The following NPAS3 variants were observed in gnomAD, a reference collection of about 807,000 sequenced individuals.
NPAS3 encodes the protein neuronal PAS domain protein 3.
A neutral mutation model predicts 73.1 loss-of-function variants in NPAS3; 14 were observed. That is an observed-to-expected ratio of 0.19 (90% CI 0.13 to 0.30). The LOEUF (loss-of-function observed/expected upper bound fraction) is 0.30. Ranked by LOEUF, NPAS3 falls within the 10% of genes least tolerant of loss-of-function variation. NPAS3 has a pLI of 1.00. For synonymous variants in NPAS3, 620 were observed against 541.5 expected, an observed-to-expected ratio of 1.14 and a Z score of -2.01; for missense variants, 1,096 against 1,250.0, an observed-to-expected ratio of 0.88 and a Z score of 1.86.
At chr14:33,083,304 G>A (rs1433204675) in intron 2 of NPAS3, among the ~76,000 whole-genome samples, 2 of 146,746 alleles carry the variant, frequency 1.4e-5, no homozygotes, top group Non-Finnish European at 3.0e-5. Flanking sequence ...ATAATAAAAT[G>A]TGGCCATTAT....
At chr14:32,965,362 G>A (rs2037107659) in intron 1 of NPAS3, among the ~76,000 whole-genome samples, 1 of 152,190 alleles carries the variant, frequency 6.6e-6, no homozygotes, top group Non-Finnish European at 1.5e-5. Flanking sequence ...CATTCGTAGT[G>A]ATCAAGTGGG....
chr14:32,995,623 G>A (rs991612503), intron 1 of NPAS3, among the ~76,000 whole-genome samples: 1 of 152,206 alleles, frequency 6.6e-6, no homozygotes, highest in African/African-American at 2.4e-5. Flanking sequence ...TCTTGTGATA[G>A]CAAATGAGTC....
At chr14:33,338,612 A>C (rs1021236688) in intron 3 of NPAS3, among the ~76,000 whole-genome samples, 2 of 152,166 alleles carry the variant, frequency 1.3e-5, no homozygotes, top group African/African-American at 4.8e-5. Flanking sequence ...GACTGCTCTG[A>C]ACCTTTTTTC....
intron 1 of NPAS3, among the ~76,000 whole-genome samples, chr14:33,019,185 C>G (rs1595241853): frequency 6.6e-6 from 1 of 152,204 alleles, no homozygotes; most frequent in East Asian, 1.9e-4. Context: ...AGGTGTCAGG[C>G]CAGCCCAAGC....
chr14:33,316,064 A>G (rs983875985), intron 3 of NPAS3, among the ~76,000 whole-genome samples: 1 of 152,098 alleles, frequency 6.6e-6, no homozygotes, highest in Non-Finnish European at 1.5e-5. Flanking sequence ...GTGAGAAATT[A>G]TCTTTTATAC....
Position 33,343,946 on chromosome 14 carries a change from T to C in NPAS3, c.386-23240T>C, listed in dbSNP as rs2044610975. The stretch of plus-strand genomic sequence containing the variant: ...TCTGGTAGCACCAAGTGTCAGATCC[T>C]TACCCAATAGCTTTTAAGGAAATGT... On this transcript the variant is annotated intron_variant, in intron 3 of 11. Transcript: ENST00000356141. Among the ~76,000 whole-genome samples, 5 of 152,200 alleles carry C rather than the reference T, an allele frequency of 3.3e-5. No individual in the cohort carries two copies. The South Asian group carries it at 1.0e-3, about 32-fold the overall frequency.
At chr14:33,635,149 A>G (rs1335272237) in intron 5 of NPAS3, among the ~76,000 whole-genome samples, 1 of 152,252 alleles carries the variant, frequency 6.6e-6, no homozygotes. Context: ...ACATTGTGCC[A>G]TTTAAAGACA....
At chr14:33,126,573 G>C (rs950351824) in intron 2 of NPAS3, among the ~76,000 whole-genome samples, 1 of 152,142 alleles carries the variant, frequency 6.6e-6, no homozygotes, top group Non-Finnish European at 1.5e-5. Context: ...AGAGCAAGAG[G>C]CATGAACATG....
intron 3 of NPAS3, among the ~76,000 whole-genome samples, chr14:33,236,314 A>G (rs1032788453): frequency 6.6e-6 from 1 of 152,050 alleles, no homozygotes; most frequent in African/African-American, 2.4e-5. Flanking sequence ...TGTTACTTGC[A>G]CAGCAGCTGT....
At chr14:33,780,382 G>A (rs1237699398) in intron 9 of NPAS3, among the ~76,000 whole-genome samples, 1 of 152,178 alleles carries the variant, frequency 6.6e-6, no homozygotes, top group Non-Finnish European at 1.5e-5. Context: ...CAGGATCTTT[G>A]GAAGAAGCCA....
At chr14:33,698,679 T>G (rs2060451548) in intron 6 of NPAS3, among the ~76,000 whole-genome samples, 1 of 152,190 alleles carries the variant, frequency 6.6e-6, no homozygotes, top group Non-Finnish European at 1.5e-5. Flanking sequence ...CTTCCCTTCC[T>G]CAGACAGGTT....
chr14:33,110,897 A>G (rs1474735884), intron 2 of NPAS3, among the ~76,000 whole-genome samples: 2 of 152,196 alleles, frequency 1.3e-5, no homozygotes, highest in Non-Finnish European at 2.9e-5. Flanking sequence ...GACTGCTGAC[A>G]TAGCAGTTGT....
intron 7 of NPAS3, among the ~76,000 whole-genome samples, chr14:33,770,785 A>T (rs765807080): frequency 2.0e-5 from 3 of 152,174 alleles, no homozygotes; most frequent in Non-Finnish European, 4.4e-5. Flanking sequence ...CTGTAATCCC[A>T]GCAACTCGGG....
intron 2 of NPAS3, among the ~76,000 whole-genome samples, chr14:33,060,774 G>A (rs995063357): frequency 2.0e-4 from 30 of 152,274 alleles, no homozygotes; most frequent in Middle Eastern, 3.4e-3. Context: ...AGGACGATTT[G>A]CCTTTTCATA....
At chr14:33,183,419 CTGT>C (rs2045867906) in intron 2 of NPAS3, among the ~76,000 whole-genome samples, 1 of 84,324 alleles carries the variant, frequency 1.2e-5, no homozygotes, top group Non-Finnish European at 2.1e-5. Context: ...GAGTGAGACT[CTGT>C]TTTTTTTTTT....
At chr14:33,734,557 G>A (rs1228755373) in intron 6 of NPAS3, among the ~76,000 whole-genome samples, 1 of 152,114 alleles carries the variant, frequency 6.6e-6, no homozygotes, top group African/African-American at 2.4e-5. Flanking sequence ...CTGTTTGGAG[G>A]GTTGGGGTTG....
intron 2 of NPAS3, among the ~76,000 whole-genome samples, chr14:33,116,715 G>A (rs1373704576): frequency 1.3e-5 from 2 of 152,028 alleles, no homozygotes; most frequent in East Asian, 3.9e-4. Context: ...ACTCTGAGTG[G>A]TGCCTGTTAT....
intron 7 of NPAS3, among the ~76,000 whole-genome samples, chr14:33,739,573 T>A (rs1178171694): frequency 6.6e-6 from 1 of 152,192 alleles, no homozygotes; most frequent in Non-Finnish European, 1.5e-5. Context: ...TTACTAGAAC[T>A]TCATAGTTGC....
intron 4 of NPAS3, among the ~76,000 whole-genome samples, chr14:33,451,068 G>A (rs7152199): frequency 0.7 from 106,517 of 152,062 alleles, 37,878 homozygotes; most frequent in East Asian, 0.84. Context: ...ATTGTTTATC[G>A]TTCCAGCTAG....
Sources: allele counts gnomAD v4.1 joint callset (sites outside exome capture counted in the v4.1 genomes callset), GRCh38; gene constraint gnomAD v4.1.1; transcripts MANE v1.5; gene names NCBI Gene and HGNC (gene_info 2026-07-23, HGNC 2026-07-21).